Variants in PEPD observed in about 807,000 individuals in gnomAD.
The protein encoded by PEPD is xaa-Pro dipeptidase.
Under a neutral mutation model 60.7 loss-of-function variants are expected in PEPD, and 53 were observed. That is an observed-to-expected ratio of 0.87 (90% CI 0.70 to 1.10). PEPD has a LOEUF of 1.10. PEPD is among the 50% of genes least tolerant of loss of function. The probability of loss-of-function intolerance (pLI) is 0.00; values close to 1 mark genes in which losing one functional copy is unlikely to be tolerated. For missense variants in PEPD, 711 were observed against 711.9 expected (o/e 1.00, Z 0.01); for synonymous variants, 267 against 284.1 (o/e 0.94, Z 0.60).
At chr19:33,465,637 A>G (rs1417670706) in intron 7 of PEPD, among the ~76,000 whole-genome samples, 2 of 152,026 alleles carry the variant, frequency 1.3e-5, no homozygotes, top group Non-Finnish European at 2.9e-5. Flanking sequence ...TCCTGAGAGC[A>G]CTCCTCAATA....
At chr19:33,501,048 C>T in intron 3 of PEPD, 47 bp from the exon 4 acceptor site, 1 of 1,125,370 alleles carries the variant, frequency 8.9e-7, no homozygotes, top group Non-Finnish European at 1.4e-6. Flanking sequence ...TTGGTAATGG[C>T]TCAGCATGGC....
intron 13 of PEPD, among the ~76,000 whole-genome samples, chr19:33,389,568 C>T (rs1431877003): frequency 1.3e-5 from 2 of 152,234 alleles, no homozygotes; most frequent in Non-Finnish European, 2.9e-5. Flanking sequence ...TCTCCACCCA[C>T]AGCAATCGAA....
chr19:33,481,337 C>T lies in PEPD; in HGVS notation c.504-3247G>A, dbSNP rs540093344. On this transcript the variant is annotated intron_variant, in intron 6 of 14. Transcript: ENST00000244137. ...GTCCCAGCACTTTGGGAGGCTAAGG[C>T]GGGCAGATCACCTGAGGTCAGGAGT... 5.9e-5 allele frequency among the ~76,000 whole-genome samples: 9 copies of T among 151,940 alleles called. No individual in the cohort carries two copies. The South Asian group carries it at 8.3e-4, about 14-fold the overall frequency.
At chr19:33,492,808 G>A (rs189508373) in intron 5 of PEPD, among the ~76,000 whole-genome samples, 1 of 152,284 alleles carries the variant, frequency 6.6e-6, no homozygotes, top group East Asian at 1.9e-4. Context: ...ACTCAAGGAT[G>A]GGGTCCCATA....
chr19:33,410,926 G>A (rs960998873), intron 11 of PEPD, among the ~76,000 whole-genome samples: 1 of 152,116 alleles, frequency 6.6e-6, no homozygotes, highest in East Asian at 1.9e-4. Context: ...GGCAAAGAAC[G>A]CGGAGGGACT....
At chr19:33,478,715 T>A (rs1970265650) in intron 6 of PEPD, among the ~76,000 whole-genome samples, 1 of 151,234 alleles carries the variant, frequency 6.6e-6, no homozygotes, top group Non-Finnish European at 1.5e-5. Context: ...GAATTCCATA[T>A]CCAGCAAAGC....
At chr19:33,425,833 T>C (rs1292955923) in intron 9 of PEPD, among the ~76,000 whole-genome samples, 4 of 152,126 alleles carry the variant, frequency 2.6e-5, no homozygotes, top group Non-Finnish European at 4.4e-5. Context: ...AAAAGCCTGG[T>C]TTTTCGTTCT....
In PEPD at chr19:33,411,165, C is replaced by T. The variant is rs569924784; in HGVS notation, c.818+507G>A. ...ATCGTGCTCAGGAAAGCCCTGCACGCAGCCACGGGTCAGCACTGCTGACTT... is the reference window on the plus strand; with the variant it reads ...ATCGTGCTCAGGAAAGCCCTGCACGTAGCCACGGGTCAGCACTGCTGACTT... On this transcript the variant is annotated intron_variant, in intron 11 of 14. Transcript: ENST00000244137. 3.9e-5 allele frequency among the ~76,000 whole-genome samples: 6 copies of T among 152,320 alleles called. No individual in the cohort carries two copies. In the South Asian group the frequency reaches 1.2e-3, roughly 32 times the overall value.
chr19:33,416,179 T>C (rs529432771), intron 9 of PEPD, among the ~76,000 whole-genome samples: 5 of 152,294 alleles, frequency 3.3e-5, no homozygotes, highest in African/African-American at 1.2e-4. Context: ...CCCGCACAGC[T>C]GGGCCAGAGC....
chr19:33,505,616 C>A (rs1416334922), intron 3 of PEPD, among the ~76,000 whole-genome samples: 1 of 151,908 alleles, frequency 6.6e-6, no homozygotes, highest in Admixed American at 6.6e-5. Context: ...AGCCTCGATC[C>A]TGGGGACACT....
chr19:33,391,062 G>T (rs1968205939), intron 13 of PEPD, among the ~76,000 whole-genome samples: 1 of 152,118 alleles, frequency 6.6e-6, no homozygotes, highest in Non-Finnish European at 1.5e-5. Context: ...CCAGCAGGCA[G>T]ACAGCACCGC....
intron 9 of PEPD, among the ~76,000 whole-genome samples, chr19:33,423,785 T>C (rs930722410): frequency 1.3e-5 from 2 of 152,228 alleles, no homozygotes; most frequent in African/African-American, 4.8e-5. Flanking sequence ...CTTTATGGCA[T>C]TTCTGGACAG....
chr19:33,443,326 T>C (rs138358719), intron 9 of PEPD, among the ~76,000 whole-genome samples: 16 of 152,340 alleles, frequency 1.1e-4, no homozygotes, highest in African/African-American at 3.4e-4. Context: ...CGTGTAGGAG[T>C]TGGTGGACAT....
At chr19:33,501,766 A>C (rs1162905427) in intron 3 of PEPD, among the ~76,000 whole-genome samples, 1 of 152,094 alleles carries the variant, frequency 6.6e-6, no homozygotes, top group Admixed American at 6.5e-5. Context: ...GCTGTGGCAC[A>C]ATCATAGCTC....
At chr19:33,405,927 G>A (rs576000241) in intron 11 of PEPD, among the ~76,000 whole-genome samples, 1 of 152,240 alleles carries the variant, frequency 6.6e-6, no homozygotes, top group African/African-American at 2.4e-5. Context: ...CACGCGGTGG[G>A]TGACGGGAGC....
At chr19:33,421,896 G>A (rs1969027806) in intron 9 of PEPD, among the ~76,000 whole-genome samples, 1 of 152,010 alleles carries the variant, frequency 6.6e-6, no homozygotes, top group South Asian at 2.1e-4. Flanking sequence ...TCTCCCCTGG[G>A]AGATGGCGAT....
At chr19:33,428,492 C>T (rs1477898200) in intron 9 of PEPD, among the ~76,000 whole-genome samples, 2 of 152,346 alleles carry the variant, frequency 1.3e-5, no homozygotes, top group Admixed American at 1.3e-4. Flanking sequence ...TCTCAGTGGA[C>T]TCCTGGCAGC....
chr19:33,422,419 C>T (rs1969038475), intron 9 of PEPD, among the ~76,000 whole-genome samples: 1 of 131,474 alleles, frequency 7.6e-6, no homozygotes, highest in African/African-American at 2.9e-5. Context: ...TCTAGATCTA[C>T]CTACCTATCA....
rs563417855 is a variant in PEPD, at chr19:33,387,098, A to G, written c.*246T>C. 3 of 552,132 alleles carry G rather than the reference A, an allele frequency of 5.4e-6. No homozygotes were observed. The highest frequency in any genetic ancestry group is 2.5e-5 in the South Asian group (1 of 40,812). 34.2% of individuals were successfully genotyped at this position (552,132 alleles called of 1,614,324 possible). A position where few individuals can be genotyped will look rare whatever the true frequency, so the allele number is the denominator to read the frequency against. On this transcript the variant is annotated 3_prime_UTR_variant, in exon 15 of 15. Coordinates refer to ENST00000244137, the MANE Select transcript of PEPD (RefSeq NM_000285.4). ...CTACTAAAGAACAGCATTATTTTCA[A>G]TCATTTTAAGTCGCTCATTTAATAA...
Sources: allele counts gnomAD v4.1 joint callset (sites outside exome capture counted in the v4.1 genomes callset), GRCh38; gene constraint gnomAD v4.1.1; transcripts MANE v1.5; gene names NCBI Gene and HGNC (gene_info 2026-07-23, HGNC 2026-07-21).